ATRNL1: variants seen among roughly 807,000 people sequenced by gnomAD.
ATRNL1 encodes attractin like 1, also known as attractin-like protein 1.
ATRNL1 carries 95 observed loss-of-function variants against 182.7 expected under a neutral mutation model. The observed-to-expected ratio is 0.52, with a 90% CI of 0.44 to 0.62. The LOEUF (loss-of-function observed/expected upper bound fraction) is 0.62. Among genes scored for constraint, ATRNL1 ranks in the 20% least tolerant of loss-of-function variants. The pLI is 0.00. For synonymous variants in ATRNL1, 576 were observed against 568.3 expected (o/e 1.01, Z -0.19); for missense variants, 1,471 against 1,679.5 (o/e 0.88, Z 2.17).
chr10:115,642,737 G>A (rs1019213751), intron 26 of ATRNL1, among the ~76,000 whole-genome samples: 7 of 152,254 alleles, frequency 4.6e-5, no homozygotes, highest in East Asian at 1.9e-4. Context: ...GAACCACTGC[G>A]CCTGGCCAAT....
chr10:115,271,515 T>TGGA (rs376421496), intron 13 of ATRNL1, among the ~76,000 whole-genome samples: 41 of 152,030 alleles, frequency 2.7e-4, no homozygotes, highest in African/African-American at 8.7e-4. Context: ...ATCCCGTTAC[T>TGGA]GGATATATAC....
chr10:115,566,662 G>T (rs1464372341), intron 26 of ATRNL1, among the ~76,000 whole-genome samples: 2 of 152,036 alleles, frequency 1.3e-5, no homozygotes, highest in East Asian at 3.9e-4. Flanking sequence ...ACTACTTTAG[G>T]TTACTTTATC....
At chr10:115,453,823 G>T (rs1554968149) in intron 21 of ATRNL1, among the ~76,000 whole-genome samples, 1 of 151,090 alleles carries the variant, frequency 6.6e-6, no homozygotes, top group Non-Finnish European at 1.5e-5. Flanking sequence ...GGGAGGGATA[G>T]CATTAGGAGA....
chr10:115,798,063 A>G (rs1284337158), intron 27 of ATRNL1, among the ~76,000 whole-genome samples: 4 of 152,036 alleles, frequency 2.6e-5, no homozygotes, highest in African/African-American at 9.7e-5. Context: ...GTCTACAGGC[A>G]CCTGCCACCA....
At chr10:115,160,357 C>A in intron 6 of ATRNL1, 143 bp downstream of exon 6, 1 of 675,680 alleles carries the variant, frequency 1.5e-6, no homozygotes, top group Non-Finnish European at 2.5e-6. Flanking sequence ...TTTGTGAATA[C>A]ATGAACTCAG....
chr10:115,328,374 C>T lies in ATRNL1; in HGVS notation c.3038-5908C>T, dbSNP rs1293497654. Among the ~76,000 whole-genome samples, 3 of 151,926 alleles carry T rather than the reference C, an allele frequency of 2.0e-5. 1 individual carries two copies. The highest frequency in any genetic ancestry group is 1.3e-4 in the Admixed American group (2 of 15,240). On this transcript the variant is annotated intron_variant, in intron 18 of 28. Transcript: ENST00000355044. The stretch of plus-strand genomic sequence containing the variant: ...ATACAGGTATATGTTGTATAATGGT[C>T]GAATCATGGTAATTAACATATCTAT...
intron 20 of ATRNL1, among the ~76,000 whole-genome samples, chr10:115,399,858 C>T (rs782053278): frequency 6.6e-6 from 1 of 151,782 alleles, no homozygotes; most frequent in Non-Finnish European, 1.5e-5. Flanking sequence ...CTAGGCAATG[C>T]CGTTTAGGAC....
intron 6 of ATRNL1, among the ~76,000 whole-genome samples, chr10:115,164,585 A>C (rs1405170576): frequency 2.0e-5 from 3 of 152,190 alleles, no homozygotes; most frequent in African/African-American, 7.2e-5. Flanking sequence ...ACATGTGTCC[A>C]TCAACTGATA....
chr10:115,262,775 G>A (rs1241094233), intron 10 of ATRNL1, among the ~76,000 whole-genome samples: 1 of 151,940 alleles, frequency 6.6e-6, no homozygotes, highest in African/African-American at 2.4e-5. Flanking sequence ...ACCTATACAT[G>A]TGAAAATAAG....
chr10:115,096,833 T>TA (rs1564731829), intron 1 of ATRNL1: 1 of 1,141,140 alleles, frequency 8.8e-7, no homozygotes, highest in Non-Finnish European at 1.1e-6. Context: ...ATTCCTTCCT[T>TA]ACACAGGTAA....
intron 24 of ATRNL1, among the ~76,000 whole-genome samples, chr10:115,506,978 A>C (rs1314049179): frequency 6.6e-6 from 1 of 152,098 alleles, no homozygotes. Flanking sequence ...CATGTGCCCA[A>C]AGTGATTAGA....
chr10:115,434,972 G>A (rs1488292164), intron 21 of ATRNL1, among the ~76,000 whole-genome samples: 1 of 151,408 alleles, frequency 6.6e-6, no homozygotes, highest in Non-Finnish European at 1.5e-5. Context: ...AATGTTTGTT[G>A]CCTCCAAAAT....
intron 26 of ATRNL1, among the ~76,000 whole-genome samples, chr10:115,643,663 A>G (rs1859410552): frequency 6.6e-6 from 1 of 152,198 alleles, no homozygotes; most frequent in East Asian, 1.9e-4. Context: ...AAGAAGATAT[A>G]TGGATGACCA....
intron 10 of ATRNL1, among the ~76,000 whole-genome samples, chr10:115,259,065 A>G (rs531833555): frequency 1.4e-4 from 22 of 152,304 alleles, no homozygotes; most frequent in African/African-American, 5.1e-4. Context: ...CAGTTAGGCT[A>G]CACGGGGGTC....
At chr10:115,265,541 C>G (rs1234518938) in intron 11 of ATRNL1, among the ~76,000 whole-genome samples, 1 of 151,530 alleles carries the variant, frequency 6.6e-6, no homozygotes, top group African/African-American at 2.4e-5. Flanking sequence ...ATCCTGCCTT[C>G]TTTTCTTTTT....
At chr10:115,190,530 A>G (rs1283451238) in intron 8 of ATRNL1, among the ~76,000 whole-genome samples, 1 of 152,068 alleles carries the variant, frequency 6.6e-6, no homozygotes, top group African/African-American at 2.4e-5. Flanking sequence ...TTTGGAAGAA[A>G]TACGCACTCC....
At chr10:115,662,621 T>C (rs1860764372) in intron 26 of ATRNL1, among the ~76,000 whole-genome samples, 1 of 152,182 alleles carries the variant, frequency 6.6e-6, no homozygotes, top group South Asian at 2.1e-4. Context: ...GGTAAAATGC[T>C]TAGTTGGCAA....
At chr10:115,231,707 C>T (rs983799934) in intron 9 of ATRNL1, among the ~76,000 whole-genome samples, 7 of 151,972 alleles carry the variant, frequency 4.6e-5, no homozygotes, top group Non-Finnish European at 8.8e-5. Flanking sequence ...AGAGCATGGG[C>T]ACTTTATTCA....
At chr10:115,458,622 A>T (rs1368203444) in intron 21 of ATRNL1, among the ~76,000 whole-genome samples, 1 of 152,102 alleles carries the variant, frequency 6.6e-6, no homozygotes, top group Non-Finnish European at 1.5e-5. Flanking sequence ...TTTGTGGCAG[A>T]TGCTGGAGTC....
Sources: allele counts gnomAD v4.1 joint callset (sites outside exome capture counted in the v4.1 genomes callset), GRCh38; gene constraint gnomAD v4.1.1; transcripts MANE v1.5; gene names NCBI Gene and HGNC (gene_info 2026-07-23, HGNC 2026-07-21).